The following SEMA3F variants were observed in gnomAD, a reference collection of about 807,000 sequenced individuals.
The protein encoded by SEMA3F is semaphorin 3F, also known as semaphorin-3F.
Under a neutral mutation model 98.5 loss-of-function variants are expected in SEMA3F, and 30 were observed. The ratio of observed to expected loss-of-function variants is 0.30; its 90% CI spans 0.23 to 0.41. SEMA3F has a LOEUF of 0.41. Among genes scored for constraint, SEMA3F ranks in the 10% least tolerant of loss-of-function variants. SEMA3F has a pLI of 1.00. For synonymous variants in SEMA3F, 380 were observed against 444.8 expected, an observed-to-expected ratio of 0.85 and a Z score of 1.83; for missense variants, 866 against 1,119.3, an observed-to-expected ratio of 0.77 and a Z score of 3.23.
chr3:50,178,797 TCAGG>T (rs1378230374), intron 7 of SEMA3F, among the ~76,000 whole-genome samples: 1 of 150,092 alleles, frequency 6.7e-6, no homozygotes, highest in Admixed American at 6.7e-5. Flanking sequence ...TTTATAGAGC[TCAGG>T]CAGAGTAGAT....
chr3:50,159,816 T>G (rs1698137292), intron 2 of SEMA3F, 82 bp downstream of exon 2: 2 of 953,832 alleles, frequency 2.1e-6, no homozygotes, highest in Non-Finnish European at 3.3e-6. Flanking sequence ...AGAGAAAGGG[T>G]GGGTCAGGAC....
At position 50,184,574 on chromosome 3, in the gene SEMA3F, C is replaced by T; in HGVS notation, c.1234-18C>T. 6.2e-7 allele frequency: 1 copy of T among 1,603,124 alleles called. No homozygotes were observed. Among genetic ancestry groups the T allele is most frequent in the Non-Finnish European group, 8.5e-7 (1 of 1,172,698 alleles). On this transcript the variant is annotated intron_variant, in intron 12 of 18. Transcript: ENST00000002829. The stretch of plus-strand genomic sequence containing the variant: ...CTGCCCAGGCAGCCTGGGACTGACA[C>T]TCGCCACCTGTCCACAGTGCCCTGG...
In SEMA3F at chr3:50,182,775, A is replaced by G. The variant is rs1699063505; in HGVS notation, c.895A>G (p.Ile299Val). Residue 299 changes from isoleucine to valine, a missense_variant, in exon 9 of 19, where the codon ATT becomes GTT. Transcript: ENST00000002829. This position sits in a 1 kb window ranked among gnomAD's most constrained non-coding sequence, Gnocchi z 4.5. ...SPAVYARIGR[I>V]CLNDDGGHCC... ...CGCGGTGTACGCCCGCATCGGGCGC[A>G]TTTGCCTGGTATGCATTGGCAGAGC... 3 of 1,612,756 alleles carry G rather than the reference A, an allele frequency of 1.9e-6. No homozygotes were observed. The East Asian group carries it at 6.7e-5, about 36-fold the overall frequency.
chr3:50,181,422 A>G (rs1392204034), intron 7 of SEMA3F, among the ~76,000 whole-genome samples: 1 of 150,888 alleles, frequency 6.6e-6, no homozygotes, highest in Non-Finnish European at 1.5e-5. Context: ...CCCAGGTTTA[A>G]GGGATCTTCC....
chr3:50,181,521 A>G (rs1286947136), intron 7 of SEMA3F, among the ~76,000 whole-genome samples: 4 of 151,802 alleles, frequency 2.6e-5, no homozygotes, highest in African/African-American at 7.3e-5. Flanking sequence ...ACAGGGTTTC[A>G]CCACATTGGC....
intron 2 of SEMA3F, among the ~76,000 whole-genome samples, chr3:50,171,521 A>G (rs1370068919): frequency 6.6e-6 from 1 of 151,740 alleles, no homozygotes; most frequent in African/African-American, 2.4e-5. Context: ...CATTGCCCCC[A>G]AAGTGCCCCC....
Position 50,155,544 on chromosome 3 carries a change from G to C in SEMA3F, c.-69G>C. Reference sequence around the variant, plus strand: ...GCCGCCGCCGCCGCCCGGGCGCCCAGGCCCCGCCGCTGCGGAAGAGGTGAG... The same window carrying C: ...GCCGCCGCCGCCGCCCGGGCGCCCACGCCCCGCCGCTGCGGAAGAGGTGAG... On this transcript the variant is annotated 5_prime_UTR_variant, in exon 1 of 19. Coordinates refer to ENST00000002829, the MANE Select transcript of SEMA3F (RefSeq NM_004186.5). This position sits in a 1 kb window ranked among gnomAD's most constrained non-coding sequence, Gnocchi z 4.9. 3.1e-6 allele frequency: 1 copy of C among 318,158 alleles called. No individual in the cohort carries two copies. Among genetic ancestry groups the C allele is most frequent in the Non-Finnish European group, 5.7e-6 (1 of 174,312 alleles). 19.7% of individuals were successfully genotyped at this position (318,158 alleles called of 1,614,324 possible). A position where few individuals can be genotyped will look rare whatever the true frequency, so the allele number is the denominator to read the frequency against.
Position 50,155,466 on chromosome 3 carries a change from C to T in SEMA3F, c.-147C>T, listed in dbSNP as rs1697936990. 2 of 301,720 alleles carry T rather than the reference C, an allele frequency of 6.6e-6. No homozygotes were observed. Among genetic ancestry groups the T allele is most frequent in the African/African-American group, 2.2e-5 (1 of 45,080 alleles). 18.7% of individuals were successfully genotyped at this position (301,720 alleles called of 1,614,324 possible). ...CAGCGGCGAGAGGTCGCGGGCAGGG[C>T]CATGGCCCCGGGGGGCCGCTAGCGC... On this transcript the variant is annotated 5_prime_UTR_variant, in exon 1 of 19. Coordinates refer to ENST00000002829, the MANE Select transcript of SEMA3F (RefSeq NM_004186.5). This position sits in a 1 kb window ranked among gnomAD's most constrained non-coding sequence, Gnocchi z 4.9.
At position 50,156,286 on chromosome 3, in the gene SEMA3F, C is replaced by G. The variant is rs1697978898; in HGVS notation, c.-49+722C>G. ...CAGCGGGGGCTTGGCGGGGTTGCCC[C>G]CAGCAGATGGGACAGGAGGGTATCA... is the stretch of plus-strand genomic sequence containing the variant. On this transcript the variant is annotated intron_variant, in intron 1 of 18. Coordinates refer to ENST00000002829, the MANE Select transcript of SEMA3F (RefSeq NM_004186.5). The surrounding 1 kb of genome is among the most constrained non-coding windows in gnomAD (Gnocchi z 4.5). Among the ~76,000 whole-genome samples, 1 of 152,206 alleles carries G rather than the reference C, an allele frequency of 6.6e-6. No individual in the cohort carries two copies. Among genetic ancestry groups the G allele is most frequent in the African/African-American group, 2.4e-5 (1 of 41,450 alleles).
chr3:50,157,374 C>T (rs1021721329), intron 1 of SEMA3F, among the ~76,000 whole-genome samples: 33 of 152,114 alleles, frequency 2.2e-4, no homozygotes, highest in Non-Finnish European at 3.2e-4. Flanking sequence ...CCGCCTGCCT[C>T]CCTCCCTTGC....
At chr3:50,164,015 C>G (rs1698312077) in intron 2 of SEMA3F, among the ~76,000 whole-genome samples, 1 of 152,342 alleles carries the variant, frequency 6.6e-6, no homozygotes, top group South Asian at 2.1e-4. Context: ...GGAAGCTGCA[C>G]ATCCCCCAAC....
chr3:50,181,662 C>T (rs146674222), intron 7 of SEMA3F, among the ~76,000 whole-genome samples: 13,012 of 148,026 alleles, frequency 0.088, 633 homozygotes, highest in East Asian at 0.12. Context: ...TGCTCTGTTG[C>T]CCAGGCTGGA....
chr3:50,174,124 G>C lies in SEMA3F; in HGVS notation c.336+10G>C, dbSNP rs761912679. On this transcript the variant is annotated intron_variant, in intron 4 of 18. Transcript: ENST00000002829. ...AGGCAAGGATGTCAACGTGAGTTTG[G>C]TGGGATCCACAGGTGGGAAGGGGGA... 2 of 1,614,146 alleles carry C rather than the reference G, an allele frequency of 1.2e-6. No individual in the cohort carries two copies. The highest frequency in any genetic ancestry group is 4.5e-5 in the East Asian group (2 of 44,888).
intron 2 of SEMA3F, among the ~76,000 whole-genome samples, chr3:50,171,571 C>T (rs1040392527): frequency 1.3e-5 from 2 of 152,140 alleles, no homozygotes; most frequent in African/African-American, 4.8e-5. Context: ...GAGCCATGCC[C>T]CCAGCCAGGG....
In SEMA3F at chr3:50,166,880, C is replaced by T. The variant is rs1199088911; in HGVS notation, c.113-6913C>T. Among the ~76,000 whole-genome samples, 2 of 151,846 alleles carry T rather than the reference C, an allele frequency of 1.3e-5. No homozygotes were observed. The highest frequency in any genetic ancestry group is 1.9e-4 in the East Asian group (1 of 5,168). ...GGTGGAGGAAGGAGTGAGGGGTTTC[C>T]GGGCCAGGTCTGGAATGTGGGAGGA... On this transcript the variant is annotated intron_variant, in intron 2 of 18. Transcript: ENST00000002829. The surrounding 1 kb of genome is among the most constrained non-coding windows in gnomAD (Gnocchi z 4.7).
rs370483605 is a variant in SEMA3F, at chr3:50,176,494, T to A, written c.550-274T>A. ...CCCCTACAAGCCCACTCCATGTCCA[T>A]CTCATAGCCCACAAGGCAGGGCCCC... On this transcript the variant is annotated intron_variant, in intron 6 of 18. Transcript: ENST00000002829. 4.1e-4 allele frequency among the ~76,000 whole-genome samples: 62 copies of A among 152,268 alleles called. 1 individual carries two copies. The highest frequency in any genetic ancestry group is 1.5e-3 in the African/African-American group (61 of 41,554).
chr3:50,187,840 C>T lies in SEMA3F; in HGVS notation c.2083C>T (p.His695Tyr), dbSNP rs1699283927. ...GCACGTCGTCACACGAGTGCAGCTG[C>T]ATGTACTGGGCCGGGACGCCGTCCA... ...FKHVVTRVQL[H>Y]VLGRDAVHAA... is the part of the protein sequence containing the mutation. Residue 695 changes from histidine to tyrosine, a missense_variant, in exon 19 of 19, where the codon CAT becomes TAT. Coordinates refer to ENST00000002829, the MANE Select transcript of SEMA3F (RefSeq NM_004186.5). The T allele has an allele frequency of 6.2e-7, 1 of 1,613,378 alleles. No individual in the cohort carries two copies. The highest frequency in any genetic ancestry group is 8.5e-7 in the Non-Finnish European group (1 of 1,180,022).
chr3:50,173,349 G>C (rs558748814), intron 2 of SEMA3F: 1 of 164,774 alleles, frequency 6.1e-6, no homozygotes, highest in Non-Finnish European at 1.3e-5. Flanking sequence ...GCGGGCGCCT[G>C]TGATCCCAAC....
chr3:50,180,734 C>G (rs893970767), intron 7 of SEMA3F, among the ~76,000 whole-genome samples: 2 of 152,180 alleles, frequency 1.3e-5, no homozygotes, highest in African/African-American at 4.8e-5. Flanking sequence ...TCACTGATCA[C>G]AGATCACCAT....
Sources: gnomAD v4.1 joint callset for allele counts (sites outside exome capture counted in the v4.1 genomes callset) on GRCh38, gnomAD v4.1.1 for gene constraint, Gnocchi (gnomAD v3.1) non-coding constraint, MANE v1.5 for transcripts, NCBI Gene and HGNC (gene_info 2026-07-23, HGNC 2026-07-21) for gene names.